The following RRP1B variants were observed in gnomAD, a reference collection of about 807,000 sequenced individuals.
The protein encoded by RRP1B is ribosomal RNA processing 1B.
RRP1B carries 56 observed loss-of-function variants against 80.2 expected under a neutral mutation model. The ratio of observed to expected loss-of-function variants is 0.70; its 90% CI spans 0.56 to 0.87. The LOEUF is 0.87. RRP1B is among the 40% of genes least tolerant of loss of function. RRP1B has a pLI of 0.00. For synonymous variants in RRP1B, 351 were observed against 357.6 expected (o/e 0.98, Z 0.21); for missense variants, 807 against 939.8 (o/e 0.86, Z 1.85).
At chr21:43,660,978 T>C (rs1219029182) in intron 1 of RRP1B, among the ~76,000 whole-genome samples, 4 of 152,224 alleles carry the variant, frequency 2.6e-5, no homozygotes, top group African/African-American at 9.6e-5. Context: ...TTTTATTTAG[T>C]TACTGATGGT....
Position 43,693,247 on chromosome 21 carries a change from C to T in RRP1B, c.2141C>T (p.Ala714Val). Residue 714 changes from alanine (A) to valine (V), a missense_variant, in exon 16 of 16, where the codon GCC becomes GTC. Physicochemically the swap from Ala to Val is moderately conservative, Grantham distance 64. Transcript: ENST00000340648. The surrounding 1 kb of genome is among the most constrained non-coding windows in gnomAD (Gnocchi z 4.1). ...LVSPTGPSRVAFDPEQKPLHG... is the reference protein window; with the variant it reads ...LVSPTGPSRVVFDPEQKPLHG... ...AGTCCCACGGGCCCTTCTCGAGTGG[C>T]CTTCGACCCTGAACAGAAGCCCCTC... 1.9e-6 allele frequency: 3 copies of T among 1,614,042 alleles called. No homozygotes were observed. The highest frequency in any genetic ancestry group is 4.5e-5 in the East Asian group (2 of 44,864).
intron 1 of RRP1B, among the ~76,000 whole-genome samples, chr21:43,666,716 CAAAAA>C (rs34846277): frequency 7.9e-6 from 1 of 127,002 alleles, no homozygotes; most frequent in African/African-American, 2.9e-5. Context: ...AAACTGTCTC[CAAAAA>C]AAAAAAAAAA....
At position 43,659,801 on chromosome 21, in the gene RRP1B, G is replaced by A. The variant is rs1329819695; in HGVS notation, c.130+7G>A. ...AAGACGCAGAGGGAGACAGGTGGGC[G>A]CACGGCCGCGGTCAGCCGCGCCACA... On this transcript the variant is annotated splice_region_variant and intron_variant, in intron 1 of 15. Transcript: ENST00000340648. The surrounding 1 kb of genome is among the most constrained non-coding windows in gnomAD (Gnocchi z 4.2). 3.3e-6 allele frequency: 5 copies of A among 1,494,338 alleles called. No individual in the cohort carries two copies. The highest frequency in any genetic ancestry group is 2.5e-5 in the South Asian group (2 of 78,580). 92.6% of individuals were successfully genotyped at this position (1,494,338 alleles called of 1,614,324 possible).
chr21:43,668,036 T>C (rs1045992797), intron 1 of RRP1B, among the ~76,000 whole-genome samples: 1 of 151,948 alleles, frequency 6.6e-6, no homozygotes, highest in Non-Finnish European at 1.5e-5. Flanking sequence ...GGTGAAACCT[T>C]GTCTCCACTA....
chr21:43,684,273 G>A (rs1286948162), intron 9 of RRP1B, among the ~76,000 whole-genome samples: 1 of 151,616 alleles, frequency 6.6e-6, no homozygotes, highest in African/African-American at 2.4e-5. Flanking sequence ...GGGTTTTGCC[G>A]TGTTAGCCAG....
intron 11 of RRP1B, chr21:43,686,561 C>T (rs1451266000): frequency 2.4e-6 from 1 of 424,642 alleles, no homozygotes; most frequent in Non-Finnish European, 4.3e-6. Flanking sequence ...AGCCAAGCGT[C>T]CGGGGTCCAG....
At chr21:43,663,546 C>T (rs758898107) in intron 1 of RRP1B, among the ~76,000 whole-genome samples, 13 of 150,170 alleles carry the variant, frequency 8.7e-5, no homozygotes, top group East Asian at 4.0e-4. Context: ...TGAGCCACAC[C>T]GTGCCCAGCC....
chr21:43,687,929 C>A lies in RRP1B; in HGVS notation c.1555C>A (p.Gln519Lys), dbSNP rs1052669347. The change falls in exon 13 of 16, where the codon CAA becomes AAA. Residue 519 changes from glutamine to lysine, a missense_variant. Coordinates refer to ENST00000340648, the MANE Select transcript of RRP1B (RefSeq NM_015056.3). The part of the protein sequence containing the change: ...GPRGSPTGGA[Q>K]LLKRKRKLGV... ...TAGAGGGTCCCCGACAGGTGGAGCC[C>A]AACTCCTAAAAAGGAAGCGGAAACT... 6.2e-7 allele frequency: 1 copy of A among 1,613,284 alleles called. No individual in the cohort carries two copies.
chr21:43,690,720 G>A (rs1216734041), intron 14 of RRP1B, among the ~76,000 whole-genome samples: 3 of 152,152 alleles, frequency 2.0e-5, no homozygotes, highest in Admixed American at 6.5e-5. Context: ...GTTTTCTCTC[G>A]TGAAATGTCA....
chr21:43,687,034 A>T, intron 12 of RRP1B, 99 bp downstream of exon 12: 1 of 1,297,010 alleles, frequency 7.7e-7, no homozygotes, highest in Admixed American at 2.2e-5. Flanking sequence ...GTCATAAAGC[A>T]TTAGCAGAGC....
At chr21:43,674,382 C>G (rs2083012611) in intron 4 of RRP1B, among the ~76,000 whole-genome samples, 1 of 152,102 alleles carries the variant, frequency 6.6e-6, no homozygotes, top group South Asian at 2.1e-4. Context: ...GTCTTGAACT[C>G]CTGGCCTCAA....
At position 43,693,441 on chromosome 21, in the gene RRP1B, AC is replaced by A; in HGVS notation, c.*60del. On this transcript the variant is annotated 3_prime_UTR_variant, in exon 16 of 16. Transcript: ENST00000340648. The surrounding 1 kb of genome is among the most constrained non-coding windows in gnomAD (Gnocchi z 4.1). ...TTGTACAGAATGCGCTATAAATTAT[AC>A]CTTTAAGAATGTGGGGCCTTTTTTA... 3 of 1,414,124 alleles carry A rather than the reference AC, an allele frequency of 2.1e-6. No homozygotes were observed. Among genetic ancestry groups the A allele is most frequent in the Non-Finnish European group, 2.8e-6 (3 of 1,067,992 alleles). 87.6% of individuals were successfully genotyped at this position (1,414,124 alleles called of 1,614,324 possible).
intron 4 of RRP1B, 73 bp downstream of exon 4, chr21:43,674,028 A>G (rs2083011037): frequency 8.6e-7 from 1 of 1,161,798 alleles, no homozygotes; most frequent in Non-Finnish European, 1.2e-6. Flanking sequence ...AACAATGGGA[A>G]GGTTTATTTG....
chr21:43,676,798 T>A lies in RRP1B; in HGVS notation c.680T>A (p.Val227Glu). Residue 227 changes from valine (V) to glutamate (E), a missense_variant, in exon 8 of 16, where the codon GTG (valine) becomes GAG (glutamate). By Grantham distance (121) the Val-to-Glu change is moderately radical. Coordinates refer to ENST00000340648, the MANE Select transcript of RRP1B (RefSeq NM_015056.3). ...FEAIVDQSPFVPEETMEEQKT... is the reference protein window; with the variant it reads ...FEAIVDQSPFEPEETMEEQKT... ...GCTATCGTAGATCAGTCTCCTTTTG[T>A]GCCTGAAGAGACGATGGAGGAACAG... 2 of 1,614,224 alleles carry A rather than the reference T, an allele frequency of 1.2e-6. No individual in the cohort carries two copies. The highest frequency in any genetic ancestry group is 1.7e-6 in the Non-Finnish European group (2 of 1,180,020).
intron 9 of RRP1B, among the ~76,000 whole-genome samples, chr21:43,683,897 T>C (rs1404521824): frequency 6.8e-6 from 1 of 146,612 alleles, no homozygotes; most frequent in East Asian, 2.1e-4. Context: ...GAAAATCATT[T>C]GAACCCGGGA....
intron 8 of RRP1B, among the ~76,000 whole-genome samples, chr21:43,679,953 G>A (rs1207268424): frequency 6.6e-6 from 1 of 152,132 alleles, no homozygotes; most frequent in Non-Finnish European, 1.5e-5. Flanking sequence ...TTTTGCAGCT[G>A]TTGTAGAAGG....
intron 6 of RRP1B, 151 bp downstream of exon 6, chr21:43,675,314 C>A: frequency 1.4e-6 from 1 of 722,382 alleles, no homozygotes; most frequent in Non-Finnish European, 2.3e-6. Context: ...GTGTCCTAAG[C>A]AGCTGGTGGG....
At chr21:43,668,079 C>T (rs1252215582) in intron 1 of RRP1B, among the ~76,000 whole-genome samples, 1 of 151,840 alleles carries the variant, frequency 6.6e-6, no homozygotes, top group Non-Finnish European at 1.5e-5. Flanking sequence ...CGTGGTGGCA[C>T]GCGCCTATAA....
chr21:43,690,154 C>T lies in RRP1B; in HGVS notation c.1867-134C>T, dbSNP rs1003391504. The T allele has an allele frequency of 4.0e-5, 35 of 885,234 alleles. 1 individual carries two copies. The highest frequency in any genetic ancestry group is 7.2e-5 in the South Asian group (4 of 55,232). 54.8% of individuals were successfully genotyped at this position (885,234 alleles called of 1,614,324 possible). A position where few individuals can be genotyped will look rare whatever the true frequency, so the allele number is the denominator to read the frequency against. On this transcript the variant is annotated intron_variant, in intron 13 of 15. Coordinates refer to ENST00000340648, the MANE Select transcript of RRP1B (RefSeq NM_015056.3). ...CGAATGGAAGGGCTGTCTGCAAGTG[C>T]GGTGCGGAAGACCGCGGGCCGTCGG...
Sources: allele counts gnomAD v4.1 joint callset (sites outside exome capture counted in the v4.1 genomes callset), GRCh38; gene constraint gnomAD v4.1.1; non-coding constraint Gnocchi (gnomAD v3.1); transcripts MANE v1.5; gene names NCBI Gene and HGNC (gene_info 2026-07-23, HGNC 2026-07-21).